The following CHP1 variants were observed in gnomAD, a reference collection of about 807,000 sequenced individuals.
The protein encoded by CHP1 is calcineurin like EF-hand protein 1.
CHP1 carries 11 observed loss-of-function variants against 27.4 expected under a neutral mutation model. The ratio of observed to expected loss-of-function variants is 0.40; its 90% CI spans 0.25 to 0.67. CHP1 has a LOEUF of 0.67. Ranked by LOEUF, CHP1 falls within the 30% of genes least tolerant of loss-of-function variation. The pLI, the probability that CHP1 is intolerant of heterozygous loss-of-function variation, is 0.38. For missense variants in CHP1, 169 were observed against 251.3 expected (o/e 0.67, Z 2.22); for synonymous variants, 89 against 87.4 (o/e 1.02, Z -0.10).
intron 5 of CHP1, among the ~76,000 whole-genome samples, chr15:41,274,705 C>G (rs1169032643): frequency 1.3e-5 from 2 of 151,606 alleles, no homozygotes; most frequent in Non-Finnish European, 2.9e-5. Flanking sequence ...AAGCTGCTGT[C>G]TGAGGTTGGA....
intron 1 of CHP1, among the ~76,000 whole-genome samples, chr15:41,238,723 G>T (rs1202855760): frequency 6.7e-6 from 1 of 149,898 alleles, no homozygotes; most frequent in Non-Finnish European, 1.5e-5. Context: ...GTGGTGGCAG[G>T]TACCTGTAGT....
At chr15:41,272,888 T>C (rs898507121) in intron 5 of CHP1, among the ~76,000 whole-genome samples, 1 of 151,908 alleles carries the variant, frequency 6.6e-6, no homozygotes, top group Non-Finnish European at 1.5e-5. Flanking sequence ...CTCCCCTGTC[T>C]CTACTAAAAA....
intron 2 of CHP1, among the ~76,000 whole-genome samples, chr15:41,247,039 A>G (rs1037311215): frequency 6.3e-4 from 95 of 150,770 alleles, no homozygotes; most frequent in Middle Eastern, 3.4e-3. Context: ...AATGTTGAAA[A>G]CTTTCCAGGC....
intron 1 of CHP1, among the ~76,000 whole-genome samples, chr15:41,239,426 C>T (rs1189837147): frequency 6.6e-6 from 1 of 151,414 alleles, no homozygotes; most frequent in South Asian, 2.1e-4. Flanking sequence ...TGTTTTGAGG[C>T]GGAGTCTCAC....
chr15:41,247,205 C>CA, intron 2 of CHP1, among the ~76,000 whole-genome samples: 1 of 151,406 alleles, frequency 6.6e-6, no homozygotes, highest in South Asian at 2.1e-4. Flanking sequence ...ACCATCTTTA[C>CA]GAAAAATACA....
rs2047532836 is a variant in CHP1, at chr15:41,278,966, A to G, written c.534+77A>G. 6 of 1,576,416 alleles carry G rather than the reference A, an allele frequency of 3.8e-6. No individual in the cohort carries two copies. The South Asian group carries it at 6.8e-5, about 18-fold the overall frequency. The stretch of plus-strand genomic sequence containing the variant: ...GGTGGCTTACGCCTGTAATCCCAGC[A>G]CTTTAGGAGGCCAAGGTGGGCGGAT... On this transcript the variant is annotated intron_variant, in intron 6 of 6. Transcript: ENST00000334660.
intron 5 of CHP1, among the ~76,000 whole-genome samples, chr15:41,277,617 A>G (rs1042396580): frequency 6.6e-6 from 1 of 152,018 alleles, no homozygotes; most frequent in South Asian, 2.1e-4. Context: ...GCGAAACCCC[A>G]TCTCTACTAA....
At chr15:41,261,807 A>T (rs543115904) in intron 3 of CHP1, among the ~76,000 whole-genome samples, 1 of 152,102 alleles carries the variant, frequency 6.6e-6, no homozygotes, top group African/African-American at 2.4e-5. Flanking sequence ...AGCCTGACCA[A>T]CATGGAGAAA....
chr15:41,243,350 G>T (rs890242560), intron 1 of CHP1, among the ~76,000 whole-genome samples: 1 of 152,006 alleles, frequency 6.6e-6, no homozygotes, highest in African/African-American at 2.4e-5. Context: ...CAGTAAAATA[G>T]GATGGGATAG....
rs1047230704 is a variant in CHP1, at chr15:41,233,267, G to A, written c.67+1818G>A. Among the ~76,000 whole-genome samples, 3 of 152,286 alleles carry A rather than the reference G, an allele frequency of 2.0e-5. No individual in the cohort carries two copies. The East Asian group carries it at 5.8e-4, about 29-fold the overall frequency. The stretch of plus-strand genomic sequence containing the variant: ...AAAGAGTCACATGGAGAAATAAGCA[G>A]AATCAAAGAGAAATAAATATAGAGT... On this transcript the variant is annotated intron_variant, in intron 1 of 6. Coordinates refer to ENST00000334660, the MANE Select transcript of CHP1 (RefSeq NM_007236.5).
chr15:41,264,193 GA>G (rs769372030), intron 4 of CHP1: 5 of 1,286,208 alleles, frequency 3.9e-6, no homozygotes, highest in Non-Finnish European at 4.1e-6. Context: ...TATAGAGAGA[GA>G]TCGAGACTGA....
chr15:41,248,995 C>CT (rs2047350075), intron 2 of CHP1, among the ~76,000 whole-genome samples: 1 of 152,130 alleles, frequency 6.6e-6, no homozygotes, highest in South Asian at 2.1e-4. Flanking sequence ...TCTACCCCCT[C>CT]TAGCCTTAGA....
At chr15:41,265,720 AAAAAG>A (rs994920915) in intron 4 of CHP1, among the ~76,000 whole-genome samples, 11 of 152,064 alleles carry the variant, frequency 7.2e-5, no homozygotes, top group Admixed American at 1.3e-4. Flanking sequence ...CAAAAAAAAA[AAAAAG>A]AAATGTGGGT....
chr15:41,235,223 T>C (rs767826022), intron 1 of CHP1, among the ~76,000 whole-genome samples: 2 of 151,512 alleles, frequency 1.3e-5, no homozygotes, highest in Non-Finnish European at 1.5e-5. Flanking sequence ...TGTGAATTAC[T>C]TAAAACTTTA....
chr15:41,243,365 G>C (rs1215924857), intron 1 of CHP1, among the ~76,000 whole-genome samples: 3 of 152,072 alleles, frequency 2.0e-5, no homozygotes, highest in African/African-American at 4.8e-5. Flanking sequence ...GGATAGGATA[G>C]GACAGGACAG....
intron 2 of CHP1, among the ~76,000 whole-genome samples, chr15:41,244,822 A>G (rs1222612208): frequency 6.6e-6 from 1 of 152,166 alleles, no homozygotes; most frequent in African/African-American, 2.4e-5. Context: ...CTCCCACACT[A>G]ACTCTCAGTA....
intron 1 of CHP1, among the ~76,000 whole-genome samples, chr15:41,242,596 G>T (rs111670869): frequency 0.04 from 6,016 of 151,844 alleles, 202 homozygotes; most frequent in Non-Finnish European, 0.06. Flanking sequence ...TCCAGCCTGG[G>T]CGACAAAGTT....
chr15:41,258,117 C>T (rs1369603196), intron 3 of CHP1, among the ~76,000 whole-genome samples: 2 of 152,040 alleles, frequency 1.3e-5, no homozygotes, highest in Non-Finnish European at 2.9e-5. Flanking sequence ...CCTACATGTA[C>T]GTACATACAT....
At chr15:41,257,803 G>A (rs1284720593) in intron 3 of CHP1, among the ~76,000 whole-genome samples, 2 of 152,062 alleles carry the variant, frequency 1.3e-5, no homozygotes, top group African/African-American at 2.4e-5. Context: ...CAGGTGATCC[G>A]CCTGCCTCAG....
Sources: gnomAD v4.1 joint callset for allele counts (sites outside exome capture counted in the v4.1 genomes callset) on GRCh38, gnomAD v4.1.1 for gene constraint, MANE v1.5 for transcripts, NCBI Gene and HGNC (gene_info 2026-07-23, HGNC 2026-07-21) for gene names.